The following HERC3 variants were observed in gnomAD, a reference collection of about 807,000 sequenced individuals.
The protein encoded by HERC3 is probable E3 ubiquitin-protein ligase HERC3.
HERC3 carries 58 observed loss-of-function variants against 129.9 expected under a neutral mutation model. That is an observed-to-expected ratio of 0.45 (90% CI 0.36 to 0.56). The LOEUF (loss-of-function observed/expected upper bound fraction) is 0.56, where lower values mean the gene tolerates loss of function less well. Among genes scored for constraint, HERC3 ranks in the 20% least tolerant of loss-of-function variants. HERC3 has a pLI of 0.00. For missense variants in HERC3, 835 were observed against 1,244.2 expected, an observed-to-expected ratio of 0.67 and a Z score of 4.95; for synonymous variants, 430 against 451.0, an observed-to-expected ratio of 0.95 and a Z score of 0.59.
At chr4:88,651,731 T>A (rs992984253) in intron 4 of HERC3, among the ~76,000 whole-genome samples, 2 of 152,142 alleles carry the variant, frequency 1.3e-5, no homozygotes, top group Non-Finnish European at 2.9e-5. Flanking sequence ...ATTACAGGCA[T>A]GTGCCACAAC....
At chr4:88,571,389 G>A in the HERC3 span, among the ~76,000 whole-genome samples, 1 of 152,170 alleles carries the variant, frequency 6.6e-6, no homozygotes, top group Admixed American at 6.5e-5. Flanking sequence ...TTAGGGCAAT[G>A]GTAACCTTTT....
intron 16 of HERC3, among the ~76,000 whole-genome samples, chr4:88,672,431 TTTA>T (rs1175518312): frequency 6.6e-6 from 1 of 152,232 alleles, no homozygotes; most frequent in Non-Finnish European, 1.5e-5. Flanking sequence ...TGGAATTTTT[TTTA>T]TTGTATGAGG....
chr4:88,545,430 C>CCTTTTTTTTTTTTTTTTTTTTTTTTTTT, the HERC3 span, among the ~76,000 whole-genome samples: 72 of 110,396 alleles, frequency 6.5e-4, 7 homozygotes, highest in East Asian at 9.2e-3. Flanking sequence ...TTTGAGAATT[C>CCTTTTTTTTTTTTTTTTTTTTTTTTTTT]TTTTTTTTTT....
chr4:88,688,950 G>A (rs528067027), intron 23 of HERC3, among the ~76,000 whole-genome samples: 3 of 152,300 alleles, frequency 2.0e-5, no homozygotes, highest in African/African-American at 4.8e-5. Flanking sequence ...CGGGTAGGGG[G>A]TGGGAAAGGT....
At chr4:88,658,139 G>A (rs1730117755) in intron 9 of HERC3, 1 of 253,208 alleles carries the variant, frequency 3.9e-6, no homozygotes, top group South Asian at 1.4e-4. Flanking sequence ...GCATGACAGA[G>A]TTAGAATGAA....
chr4:88,676,452 T>C, intron 18 of HERC3, 29 bp downstream of exon 18: 1 of 1,439,404 alleles, frequency 6.9e-7, no homozygotes, highest in Non-Finnish European at 9.8e-7. Flanking sequence ...TATTTCTTCT[T>C]TTTACTGTGT....
intron 2 of HERC3, among the ~76,000 whole-genome samples, chr4:88,603,797 C>T (rs918443640): frequency 6.6e-6 from 1 of 152,252 alleles, no homozygotes; most frequent in East Asian, 1.9e-4. Flanking sequence ...ATAATTGATA[C>T]CTTTCCCATA....
rs1049679563 is a variant in HERC3 at position 88,704,630 on chromosome 4, A to G, written c.2944+20A>G. The G allele has an allele frequency of 1.4e-6, 2 of 1,410,334 alleles. No individual in the cohort carries two copies. The highest frequency in any genetic ancestry group is 1.0e-6 in the Non-Finnish European group (1 of 994,578). The allele number at this position is 1,410,334 out of a possible 1,614,324, so 87.4% of individuals were successfully genotyped here. Reference sequence around the variant, plus strand: ...TTCTCTGTAAGTATCAGTAATCTCAATATGGTATTTGTCTACATTTTAGTC... The same window carrying G: ...TTCTCTGTAAGTATCAGTAATCTCAGTATGGTATTTGTCTACATTTTAGTC... On this transcript the variant is annotated intron_variant, in intron 25 of 25. Transcript: ENST00000402738.
intron 2 of HERC3, among the ~76,000 whole-genome samples, chr4:88,604,958 G>C (rs764703299): frequency 1.1e-4 from 16 of 152,006 alleles, no homozygotes; most frequent in Non-Finnish European, 2.4e-4. Context: ...TTTTTTGTTT[G>C]TATGAAAGGG....
At chr4:88,615,242 A>G (rs910806472) in intron 3 of HERC3, among the ~76,000 whole-genome samples, 1 of 152,088 alleles carries the variant, frequency 6.6e-6, no homozygotes, top group African/African-American at 2.4e-5. Flanking sequence ...GTGATCTATG[A>G]TCTTTATAGA....
chr4:88,670,386 G>A, intron 16 of HERC3, 134 bp downstream of exon 16: 1 of 628,590 alleles, frequency 1.6e-6, no homozygotes, highest in South Asian at 2.1e-5. Context: ...TTGCATTCTA[G>A]AAACTTGGAA....
the HERC3 span, chr4:88,583,690 G>A: frequency 6.6e-6 from 1 of 152,152 alleles, no homozygotes; most frequent in Non-Finnish European, 1.5e-5. Flanking sequence ...GGAGAGGGGC[G>A]CTTTGTAAAA....
At chr4:88,670,324 T>G in intron 16 of HERC3, 72 bp downstream of exon 16, 2 of 1,002,284 alleles carry the variant, frequency 2.0e-6, no homozygotes, top group Non-Finnish European at 3.1e-6. Context: ...CTGTATAATA[T>G]GTCTTTGACT....
chr4:88,554,904 C>T, the HERC3 span, among the ~76,000 whole-genome samples: 1 of 152,140 alleles, frequency 6.6e-6, no homozygotes, highest in Admixed American at 6.6e-5. Context: ...CAGGCTTACT[C>T]ATGCTAATGT....
At chr4:88,597,748 C>T (rs894594740) in intron 2 of HERC3, among the ~76,000 whole-genome samples, 5 of 152,052 alleles carry the variant, frequency 3.3e-5, no homozygotes, top group South Asian at 2.1e-4. Flanking sequence ...GGGGATGATC[C>T]GGGGAAGGGT....
Position 88,681,328 on chromosome 4 carries a change from A to T in HERC3, c.2507+3A>T. On this transcript the variant is annotated splice_donor_region_variant and intron_variant, in intron 21 of 25. Transcript: ENST00000402738. Reference sequence around the variant, plus strand: ...GAGTTGTCACCCACTGAAGGAAGGTACAAAGCTAAAAGGCGATTGGTATCT... The same window carrying T: ...GAGTTGTCACCCACTGAAGGAAGGTTCAAAGCTAAAAGGCGATTGGTATCT... 6.2e-7 allele frequency: 1 copy of T among 1,608,894 alleles called. No individual in the cohort carries two copies. Among genetic ancestry groups the T allele is most frequent in the Non-Finnish European group, 8.5e-7 (1 of 1,178,158 alleles).
the HERC3 span, among the ~76,000 whole-genome samples, chr4:88,552,664 ATCTTC>A: frequency 6.6e-6 from 1 of 152,218 alleles, no homozygotes; most frequent in African/African-American, 2.4e-5. Flanking sequence ...CATTGTTACA[ATCTTC>A]TCTTAAACAG....
chr4:88,527,848 G>A, the HERC3 span: 14 of 315,252 alleles, frequency 4.4e-5, no homozygotes, highest in African/African-American at 2.9e-4. Context: ...GAATGTATAG[G>A]TAGCTGAGGG....
At chr4:88,579,348 A>C in the HERC3 span, among the ~76,000 whole-genome samples, 1 of 152,008 alleles carries the variant, frequency 6.6e-6, no homozygotes, top group East Asian at 1.9e-4. Context: ...CGGAAGTTGC[A>C]GTGGGCCGAG....
Sources: allele counts gnomAD v4.1 joint callset (sites outside exome capture counted in the v4.1 genomes callset), GRCh38; gene constraint gnomAD v4.1.1; transcripts MANE v1.5; gene names NCBI Gene and HGNC (gene_info 2026-07-23, HGNC 2026-07-21).